The following TRHDE variants were observed in gnomAD, a reference collection of about 807,000 sequenced individuals.
TRHDE encodes thyrotropin releasing hormone degrading enzyme, also known as thyrotropin-releasing hormone-degrading ectoenzyme.
Under a neutral mutation model 125.7 loss-of-function variants are expected in TRHDE, and 72 were observed. That is an observed-to-expected ratio of 0.57 (90% CI 0.47 to 0.70). The LOEUF (loss-of-function observed/expected upper bound fraction) is 0.70. Among genes scored for constraint, TRHDE ranks in the 30% least tolerant of loss-of-function variants. The pLI is 0.00. For synonymous variants in TRHDE, 509 were observed against 509.1 expected (o/e 1.00, Z 0.00); for missense variants, 1,110 against 1,327.1 (o/e 0.84, Z 2.54).
At chr12:72,616,437 A>G (rs994040593) in intron 12 of TRHDE, among the ~76,000 whole-genome samples, 14 of 152,082 alleles carry the variant, frequency 9.2e-5, no homozygotes, top group African/African-American at 3.1e-4. Flanking sequence ...TCTTAGTTCC[A>G]TCCTTTTATT....
intron 2 of TRHDE, chr12:72,263,699 T>A (rs1028244186): frequency 1.3e-5 from 2 of 151,906 alleles, no homozygotes; most frequent in Non-Finnish European, 2.9e-5. Flanking sequence ...AACTAGGGAG[T>A]TAAATTCTAG....
chr12:72,129,163 A>T (rs901220106), intron 2 of TRHDE, among the ~76,000 whole-genome samples: 21 of 152,186 alleles, frequency 1.4e-4, no homozygotes, highest in African/African-American at 4.8e-4. Context: ...TACCCAGCAA[A>T]CATATCTTTC....
At chr12:72,270,442 A>C (rs1032939512), upstream of TRHDE, among the ~76,000 whole-genome samples, 3 of 151,380 alleles carry the variant, frequency 2.0e-5, no homozygotes, top group Non-Finnish European at 4.5e-5. Flanking sequence ...TATCAAGCTA[A>C]GGTTAATGTG....
chr12:72,338,352 G>T (rs1286410248), intron 2 of TRHDE, among the ~76,000 whole-genome samples: 1 of 152,102 alleles, frequency 6.6e-6, no homozygotes, highest in South Asian at 2.1e-4. Flanking sequence ...ATCTTAATTG[G>T]TATTTTCTAC....
At chr12:72,613,004 G>T (rs1240085007) in intron 12 of TRHDE, among the ~76,000 whole-genome samples, 1 of 152,110 alleles carries the variant, frequency 6.6e-6, no homozygotes, top group Non-Finnish European at 1.5e-5. Context: ...TATATAAATT[G>T]CAAAATAAAT....
At chr12:72,276,843 G>A (rs1879505728) in intron 1 of TRHDE, among the ~76,000 whole-genome samples, 1 of 152,196 alleles carries the variant, frequency 6.6e-6, no homozygotes, top group African/African-American at 2.4e-5. Flanking sequence ...TAGGTGTGCA[G>A]CAGGCAGATA....
At chr12:72,539,374 A>G (rs1869030979) in intron 6 of TRHDE, among the ~76,000 whole-genome samples, 1 of 151,922 alleles carries the variant, frequency 6.6e-6, no homozygotes, top group Non-Finnish European at 1.5e-5. Flanking sequence ...AAAAGTGAGG[A>G]TTTATCACTG....
chr12:72,240,239 G>A (rs73349084), intron 2 of TRHDE, among the ~76,000 whole-genome samples: 5,267 of 150,388 alleles, frequency 0.035, 321 homozygotes, highest in African/African-American at 0.12. Flanking sequence ...CATATGCACG[G>A]CAAGATTAAA....
intron 2 of TRHDE, among the ~76,000 whole-genome samples, chr12:72,127,539 A>G (rs1456367960): frequency 6.6e-6 from 1 of 152,220 alleles, no homozygotes; most frequent in African/African-American, 2.4e-5. Context: ...TTGCAGCAAC[A>G]TGGATTCAGT....
chr12:72,531,037 A>G (rs969965280), intron 6 of TRHDE, among the ~76,000 whole-genome samples: 7 of 152,030 alleles, frequency 4.6e-5, no homozygotes, highest in Admixed American at 3.9e-4. Context: ...TTTTAGCATA[A>G]CATTTTCTTC....
rs1161867341 is a variant in TRHDE at position 72,397,802 on chromosome 12, T to C, written c.1315+19681T>C. Among the ~76,000 whole-genome samples the C allele has an allele frequency of 3.3e-5, 5 of 152,166 alleles. No homozygotes were observed. The East Asian group carries it at 7.7e-4, about 23-fold the overall frequency. On this transcript the variant is annotated intron_variant, in intron 3 of 18. Coordinates refer to ENST00000261180, the MANE Select transcript of TRHDE (RefSeq NM_013381.3). ...AAAGTAACTGCCCATTAGAACCTTT[T>C]TGGCATTTTTTAAATTAATTAATTA...
chr12:72,618,794 T>A, intron 12 of TRHDE, 97 bp from the exon 13 acceptor site: 1 of 994,756 alleles, frequency 1.0e-6, no homozygotes, highest in Non-Finnish European at 1.4e-6. Context: ...ATGCTTTCTT[T>A]ATACTATGAT....
chr12:72,514,223 A>C (rs575222520), intron 6 of TRHDE, among the ~76,000 whole-genome samples: 7 of 152,180 alleles, frequency 4.6e-5, no homozygotes, highest in East Asian at 1.9e-4. Context: ...ACAGTCAAAA[A>C]TCACCAGTCA....
intron 2 of TRHDE, among the ~76,000 whole-genome samples, chr12:72,357,343 T>C (rs544812505): frequency 6.6e-6 from 1 of 151,710 alleles, no homozygotes; most frequent in South Asian, 2.1e-4. Context: ...TGCTACTTTG[T>C]ATATTTTGAC....
intron 2 of TRHDE, among the ~76,000 whole-genome samples, chr12:72,333,487 G>A (rs936642677): frequency 6.6e-5 from 10 of 152,192 alleles, no homozygotes; most frequent in African/African-American, 2.4e-4. Context: ...AAAAATTTGT[G>A]ACAGTAATGA....
intron 2 of TRHDE, among the ~76,000 whole-genome samples, chr12:72,368,869 G>A (rs1871451316): frequency 6.6e-6 from 1 of 152,056 alleles, no homozygotes; most frequent in South Asian, 2.1e-4. Context: ...TTGAGTATCT[G>A]GCACCAGTGC....
At chr12:72,187,310 AACACACACACACACACACACACACAC>A (rs59164233) in intron 2 of TRHDE, among the ~76,000 whole-genome samples, 10 of 131,330 alleles carry the variant, frequency 7.6e-5, no homozygotes, top group Admixed American at 1.5e-4. Flanking sequence ...AGAGAAACAC[AACACACACACACACACACACACACAC>A]ACACACACAC....
At chr12:72,415,236 A>G (rs971845105) in intron 3 of TRHDE, among the ~76,000 whole-genome samples, 2 of 152,140 alleles carry the variant, frequency 1.3e-5, no homozygotes, top group Non-Finnish European at 2.9e-5. Flanking sequence ...TTATGCATAC[A>G]TAAGAGTTGT....
At chr12:72,546,487 C>A (rs926981620) in intron 7 of TRHDE, among the ~76,000 whole-genome samples, 3 of 151,564 alleles carry the variant, frequency 2.0e-5, no homozygotes, top group African/African-American at 7.3e-5. Context: ...TATCGATGAT[C>A]ATTTAAGAAG....
Sources: allele counts gnomAD v4.1 joint callset (sites outside exome capture counted in the v4.1 genomes callset), GRCh38; gene constraint gnomAD v4.1.1; transcripts MANE v1.5; gene names NCBI Gene and HGNC (gene_info 2026-07-23, HGNC 2026-07-21).